IFTAP: variants seen among roughly 807,000 people sequenced by gnomAD.
The protein encoded by IFTAP is intraflagellar transport associated protein, also known as intraflagellar transport-associated protein.
A neutral mutation model predicts 19.4 loss-of-function variants in IFTAP; 19 were observed. That is an observed-to-expected ratio of 0.98 (90% CI 0.68 to 1.44). IFTAP has a LOEUF of 1.44. Among genes scored for constraint, IFTAP ranks in the 40% most tolerant of loss-of-function variants. The pLI, the probability that IFTAP is intolerant of heterozygous loss-of-function variation, is 0.00. For synonymous variants in IFTAP, 85 were observed against 83.5 expected (o/e 1.02, Z -0.10); for missense variants, 240 against 253.6 (o/e 0.95, Z 0.36).
At chr11:36,620,773 A>G (rs183594066) in intron 2 of IFTAP, among the ~76,000 whole-genome samples, 30 of 152,040 alleles carry the variant, frequency 2.0e-4, no homozygotes, top group Admixed American at 3.9e-4. Flanking sequence ...CTTTTCTAAT[A>G]TGCGTTCTCA....
rs78910390 is a variant in IFTAP, at chr11:36,624,692, G to A, written c.137-8592G>A. ...CCTTAGCTAATTACAGAGAAGTGAG[G>A]TGTGTGCTTTCTTTTTCCTTTTCTT... is the stretch of plus-strand genomic sequence containing the variant. On this transcript the variant is annotated intron_variant, in intron 2 of 5. Transcript: ENST00000334307. Among the ~76,000 whole-genome samples, 4 of 152,146 alleles carry A rather than the reference G, an allele frequency of 2.6e-5. No homozygotes were observed. The South Asian group carries it at 8.3e-4, about 32-fold the overall frequency.
At chr11:36,596,211 G>GTTTTTTTTTTT (rs1243664769) in intron 1 of IFTAP, among the ~76,000 whole-genome samples, 12 of 101,148 alleles carry the variant, frequency 1.2e-4, no homozygotes, top group African/African-American at 2.9e-4. Flanking sequence ...AGATGGTAGT[G>GTTTTTTTTTTT]TTTTTTTTTT....
At chr11:36,622,198 A>G (rs1251238537) in intron 2 of IFTAP, among the ~76,000 whole-genome samples, 3 of 151,812 alleles carry the variant, frequency 2.0e-5, no homozygotes, top group African/African-American at 4.8e-5. Flanking sequence ...CAACATGCCA[A>G]TGTTTGAGTC....
chr11:36,628,759 A>G (rs1351750519), intron 2 of IFTAP, among the ~76,000 whole-genome samples: 2 of 151,322 alleles, frequency 1.3e-5, no homozygotes, highest in African/African-American at 4.9e-5. Flanking sequence ...GTTTCAACTT[A>G]CTGCTATTGT....
At chr11:36,601,108 A>G (rs1165846949) in intron 1 of IFTAP, among the ~76,000 whole-genome samples, 1 of 152,230 alleles carries the variant, frequency 6.6e-6, no homozygotes, top group Non-Finnish European at 1.5e-5. Context: ...AAATGGAGAA[A>G]CAGCTTAAAC....
intron 2 of IFTAP, among the ~76,000 whole-genome samples, chr11:36,628,232 T>C (rs747271360): frequency 6.6e-6 from 1 of 151,150 alleles, no homozygotes; most frequent in Non-Finnish European, 1.5e-5. Context: ...ACCCCGTCCA[T>C]GTGTCCCCAA....
At chr11:36,615,932 C>G (rs186738503) in intron 2 of IFTAP, among the ~76,000 whole-genome samples, 15 of 152,076 alleles carry the variant, frequency 9.9e-5, no homozygotes, top group African/African-American at 3.4e-4. Context: ...AAGGCAATTT[C>G]TTTTAATTGC....
chr11:36,605,287 CA>C (rs1851653774), intron 1 of IFTAP, among the ~76,000 whole-genome samples: 6 of 147,476 alleles, frequency 4.1e-5, no homozygotes, highest in African/African-American at 1.6e-4. Flanking sequence ...CCTGCCCCCC[CA>C]CTTTTTTTTT....
At chr11:36,643,383 A>T (rs146966102) in intron 4 of IFTAP, among the ~76,000 whole-genome samples, 1,825 of 152,272 alleles carry the variant, frequency 0.012, 22 homozygotes, top group East Asian at 0.031. Context: ...TCCATGCTCA[A>T]GGATAGGAAG....
At chr11:36,649,674 C>A (rs1391514377) in intron 5 of IFTAP, among the ~76,000 whole-genome samples, 1 of 151,712 alleles carries the variant, frequency 6.6e-6, no homozygotes, top group Admixed American at 6.6e-5. Flanking sequence ...AAGTTGAGAC[C>A]CCATATATGG....
Position 36,648,048 on chromosome 11 carries a change from G to A in IFTAP, c.391G>A (p.Asp131Asn). ...GCTGCTTCCAGGAGAAGTGGAGCAG[G>A]ATGTAAGCACCAGCATTCCTTCCTG... is the stretch of plus-strand genomic sequence containing the variant. ...LLLLPGEVEQ[D>N]VSTSIPSCIP... is the part of the protein sequence containing the mutation. Residue 131 changes from aspartate to asparagine, a missense_variant, in exon 5 of 6, where the codon GAT becomes AAT. Asp to Asn is a conservative substitution (Grantham distance 23). Transcript: ENST00000334307. 3 of 1,613,334 alleles carry A rather than the reference G, an allele frequency of 1.9e-6. No individual in the cohort carries two copies. The highest frequency in any genetic ancestry group is 1.1e-5 in the South Asian group (1 of 91,008).
In IFTAP at chr11:36,612,950, C is replaced by T. The variant is rs1172110598; in HGVS notation, c.136+2711C>T. On this transcript the variant is annotated intron_variant, in intron 2 of 5. Coordinates refer to ENST00000334307, the MANE Select transcript of IFTAP (RefSeq NM_138787.4). ...CACTACAGTACATTTATGTTGATTA[C>T]GTTTTGTGGTTTTTTCTTTTTTAGA... Among the ~76,000 whole-genome samples the T allele has an allele frequency of 4.6e-5, 7 of 151,978 alleles. No homozygotes were observed. In the East Asian group the frequency reaches 9.6e-4, roughly 21 times the overall value.
intron 5 of IFTAP, among the ~76,000 whole-genome samples, chr11:36,653,550 A>C (rs966443147): frequency 6.6e-6 from 1 of 152,162 alleles, no homozygotes; most frequent in African/African-American, 2.4e-5. Context: ...GAACTCTAAC[A>C]CGAACTGAAC....
At position 36,625,805 on chromosome 11, in the gene IFTAP, G is replaced by A. The variant is rs561208748; in HGVS notation, c.137-7479G>A. Among the ~76,000 whole-genome samples, 6 of 152,256 alleles carry A rather than the reference G, an allele frequency of 3.9e-5. No individual in the cohort carries two copies. The East Asian group carries it at 9.6e-4, about 24-fold the overall frequency. ...AGGGAATCATGAGTGCTGGCAGGAG[G>A]ATTTAGGGTTGCAATTTTATATAGT... On this transcript the variant is annotated intron_variant, in intron 2 of 5. Coordinates refer to ENST00000334307, the MANE Select transcript of IFTAP (RefSeq NM_138787.4).
intron 1 of IFTAP, among the ~76,000 whole-genome samples, chr11:36,609,862 A>G (rs1851812380): frequency 6.6e-6 from 1 of 152,184 alleles, no homozygotes. Flanking sequence ...GAAGATAGTA[A>G]TGAGCAGACT....
intron 5 of IFTAP, among the ~76,000 whole-genome samples, chr11:36,657,170 G>A (rs995082415): frequency 3.9e-5 from 6 of 152,186 alleles, no homozygotes; most frequent in African/African-American, 1.4e-4. Context: ...GTTTTGCCAG[G>A]ATCAGCTAGA....
In IFTAP at chr11:36,634,946, G is replaced by C. The variant is rs147212772; in HGVS notation, c.292-1105G>C. Among the ~76,000 whole-genome samples, 1,103 of 152,144 alleles carry C rather than the reference G, an allele frequency of 7.2e-3. 11 individuals are homozygous for C. The highest frequency in any genetic ancestry group is 0.025 in the African/African-American group (1,044 of 41,520). On this transcript the variant is annotated intron_variant, in intron 3 of 5. Transcript: ENST00000334307. The stretch of plus-strand genomic sequence containing the variant: ...AGAAACATGACTCCAGTCCCCATTA[G>C]CATACACCACTAAGTAAATAACAAT...
chr11:36,646,142 A>G (rs1199730397), intron 4 of IFTAP, among the ~76,000 whole-genome samples: 3 of 152,194 alleles, frequency 2.0e-5, no homozygotes, highest in Non-Finnish European at 4.4e-5. Flanking sequence ...TAGGTTAGAG[A>G]AGTGAAGTTT....
At chr11:36,632,801 T>C (rs1050169526) in intron 2 of IFTAP, among the ~76,000 whole-genome samples, 2 of 151,278 alleles carry the variant, frequency 1.3e-5, no homozygotes, top group Non-Finnish European at 2.9e-5. Flanking sequence ...TTTTTAGAAG[T>C]GCATGGATAC....
Sources: allele counts gnomAD v4.1 joint callset (sites outside exome capture counted in the v4.1 genomes callset), GRCh38; gene constraint gnomAD v4.1.1; transcripts MANE v1.5; gene names NCBI Gene and HGNC (gene_info 2026-07-23, HGNC 2026-07-21).